Variants in TG observed in about 807,000 individuals in gnomAD.
The protein encoded by TG is thyroid hormones.
A neutral mutation model predicts 324.7 loss-of-function variants in TG; 270 were observed. That is an observed-to-expected ratio of 0.83 (90% confidence interval 0.75 to 0.92). The LOEUF is 0.92. Among genes scored for constraint, TG ranks in the 40% least tolerant of loss-of-function variants. The pLI is 0.00. For missense variants in TG, 3,591 were observed against 3,456.4 expected (o/e 1.04, Z -0.98); for synonymous variants, 1,401 against 1,327.0 (o/e 1.06, Z -1.21).
At chr8:132,877,216 T>C (rs375019369) in intron 5 of TG, among the ~76,000 whole-genome samples, 4 of 152,198 alleles carry the variant, frequency 2.6e-5, no homozygotes, top group African/African-American at 9.6e-5. Context: ...CTCAGCTCAC[T>C]GCAACCTCTG....
intron 41 of TG, among the ~76,000 whole-genome samples, chr8:133,058,116 C>T (rs939675441): frequency 2.0e-5 from 3 of 152,204 alleles, no homozygotes; most frequent in Non-Finnish European, 4.4e-5. Context: ...AAACTCTGAC[C>T]CTGTGCATGA....
chr8:133,015,958 C>G (rs1034275073), intron 37 of TG, among the ~76,000 whole-genome samples: 2 of 152,140 alleles, frequency 1.3e-5, no homozygotes, highest in African/African-American at 4.8e-5. Flanking sequence ...TGTGTCCCCC[C>G]ACCCCTGCCA....
intron 45 of TG, among the ~76,000 whole-genome samples, chr8:133,128,526 T>C (rs1034610539): frequency 2.6e-5 from 4 of 152,132 alleles, no homozygotes; most frequent in African/African-American, 9.7e-5. Context: ...TCTATGAGCA[T>C]CCGATATACC....
chr8:133,007,615 C>A (rs953344380), intron 35 of TG, among the ~76,000 whole-genome samples: 2 of 151,770 alleles, frequency 1.3e-5, no homozygotes, highest in Admixed American at 1.3e-4. Context: ...GGACGGAACT[C>A]GAACTTATAA....
chr8:132,951,355 G>C lies in TG; in HGVS notation c.5401+2412G>C, dbSNP rs1826076047. 2.0e-5 allele frequency among the ~76,000 whole-genome samples: 3 copies of C among 152,102 alleles called. 1 individual carries two copies. Among genetic ancestry groups the C allele is most frequent in the Admixed American group, 2.0e-4 (3 of 15,274 alleles). ...CATGAAGCACAAATAGTTTCTTTTG[G>C]CGTCAATAAAATCAAATCGCTTATT... is the stretch of plus-strand genomic sequence containing the variant. On this transcript the variant is annotated intron_variant, in intron 27 of 47. Coordinates refer to ENST00000220616, the MANE Select transcript of TG (RefSeq NM_003235.5).
chr8:133,070,811 G>A (rs546166723), intron 41 of TG, among the ~76,000 whole-genome samples: 1 of 152,366 alleles, frequency 6.6e-6, no homozygotes, highest in East Asian at 1.9e-4. Context: ...GCCCGTGTCT[G>A]CAGGCACCCC....
At chr8:132,925,516 CGTGTGT>C (rs139966752) in intron 22 of TG, among the ~76,000 whole-genome samples, 135 of 144,822 alleles carry the variant, frequency 9.3e-4, no homozygotes, top group South Asian at 1.8e-3. Flanking sequence ...CTAAGGAGTG[CGTGTGT>C]GTGTGTGTGT....
intron 34 of TG, among the ~76,000 whole-genome samples, chr8:132,981,043 G>A (rs532467202): frequency 2.6e-4 from 40 of 152,196 alleles, no homozygotes; most frequent in African/African-American, 9.1e-4. Context: ...TAGATTCTAC[G>A]TAAATTGCTA....
intron 43 of TG, among the ~76,000 whole-genome samples, chr8:133,100,033 A>G (rs938736446): frequency 4.6e-5 from 7 of 152,192 alleles, no homozygotes; most frequent in African/African-American, 1.7e-4. Context: ...GGAAAATTCC[A>G]GTCTTCTATG....
At chr8:133,002,109 C>G in intron 35 of TG, 1 of 985,418 alleles carries the variant, frequency 1.0e-6, no homozygotes, top group Non-Finnish European at 1.2e-6. Flanking sequence ...GAGTGTCAGG[C>G]ATTTGCTGCC....
chr8:133,133,987 T>G (rs1020568823), intron 47 of TG, among the ~76,000 whole-genome samples: 1 of 151,782 alleles, frequency 6.6e-6, no homozygotes, highest in Non-Finnish European at 1.5e-5. Flanking sequence ...GAGAAGGGAG[T>G]GTCTTGAACC....
chr8:132,877,527 C>G (rs752688226), intron 5 of TG, among the ~76,000 whole-genome samples: 5 of 152,186 alleles, frequency 3.3e-5, no homozygotes, highest in Non-Finnish European at 5.9e-5. Flanking sequence ...TTCCAAAGAA[C>G]TGCCTGTGGG....
intron 21 of TG, 53 bp from the exon 22 acceptor site, chr8:132,923,285 C>A: frequency 6.3e-7 from 1 of 1,599,680 alleles, no homozygotes; most frequent in South Asian, 1.1e-5. Context: ...GAGTAGGAGT[C>A]AGGGGATTCC....
intron 41 of TG, among the ~76,000 whole-genome samples, chr8:133,041,522 G>T (rs1838240372): frequency 6.6e-6 from 1 of 152,192 alleles, no homozygotes; most frequent in South Asian, 2.1e-4. Flanking sequence ...CCTGTCATGG[G>T]TTGGAAATTG....
chr8:132,994,780 C>G, intron 35 of TG: 1 of 1,287,938 alleles, frequency 7.8e-7, no homozygotes, highest in Non-Finnish European at 1.0e-6. Context: ...TTCCGTATAA[C>G]TGGAGTACCT....
chr8:132,920,806 G>A (rs1820999068), intron 21 of TG, among the ~76,000 whole-genome samples: 1 of 152,210 alleles, frequency 6.6e-6, no homozygotes, highest in African/African-American at 2.4e-5. Flanking sequence ...TTCCTCTTCT[G>A]AATGTCAGCT....
At chr8:133,076,592 A>C (rs1373301423) in intron 41 of TG, 1 of 152,186 alleles carries the variant, frequency 6.6e-6, no homozygotes, top group Non-Finnish European at 1.5e-5. Flanking sequence ...ACAGAGGAGT[A>C]AAAGAGCTTT....
At chr8:132,974,016 G>A (rs1240917811) in intron 34 of TG, among the ~76,000 whole-genome samples, 27 of 139,144 alleles carry the variant, frequency 1.9e-4, no homozygotes, top group South Asian at 1.4e-3. Flanking sequence ...TTTTTGAGGC[G>A]GAGTTTTGCT....
At chr8:133,004,191 G>T (rs373884190) in intron 35 of TG, among the ~76,000 whole-genome samples, 6 of 151,778 alleles carry the variant, frequency 4.0e-5, no homozygotes, top group Admixed American at 3.3e-4. Context: ...CTCCTCCAAG[G>T]CTTAGGGCCT....
Sources: allele counts gnomAD v4.1 joint callset (sites outside exome capture counted in the v4.1 genomes callset), GRCh38; gene constraint gnomAD v4.1.1; transcripts MANE v1.5; gene names NCBI Gene and HGNC (gene_info 2026-07-23, HGNC 2026-07-21).